Variants in RESP18 observed in about 807,000 individuals in gnomAD.
RESP18 encodes regulated endocrine-specific protein 18.
RESP18 carries 30 observed loss-of-function variants against 30.0 expected under a neutral mutation model. That is an observed-to-expected ratio of 1.00 (90% CI 0.75 to 1.36). RESP18 has a LOEUF of 1.36. Ranked by LOEUF, RESP18 falls within the 40% of genes most tolerant of loss-of-function variation. The pLI, the probability that RESP18 is intolerant of heterozygous loss-of-function variation, is 0.00. For synonymous variants in RESP18, 117 were observed against 111.2 expected, an observed-to-expected ratio of 1.05 and a Z score of -0.33; for missense variants, 320 against 284.2, an observed-to-expected ratio of 1.13 and a Z score of -0.91.
chr2:219,329,455 T>C, intron 4 of RESP18, 182 bp downstream of exon 3: 1 of 1,550,674 alleles, frequency 6.4e-7, no homozygotes, highest in Non-Finnish European at 8.7e-7. Context: ...CACACCCACC[T>C]CCCCTCCCTT....
Position 219,332,599 on chromosome 2 carries a change from C to A in RESP18, c.157G>T (p.Glu53Ter), listed in dbSNP as rs2385405. 6.4e-7 allele frequency: 1 copy of A among 1,551,020 alleles called. No individual in the cohort carries two copies. The highest frequency in any genetic ancestry group is 2.0e-5 in the Admixed American group (1 of 50,990). Residue 53 changes from glutamate (E) to a stop codon, truncating the protein, a stop_gained, in exon 2 of 7, where the codon GAG becomes TAG. Coordinates refer to ENST00000333527, the MANE Select transcript of RESP18 (RefSeq NM_001007089.4). LOFTEE classifies it high-confidence loss of function. ...AAGCAGACAAGCAGCTGGAGCCCCTCGGAGCTCCCAGGCCACAGTGGGTGC... is the reference window on the plus strand; with the variant it reads ...AAGCAGACAAGCAGCTGGAGCCCCTAGGAGCTCCCAGGCCACAGTGGGTGC...
intron 2 of RESP18, chr2:219,331,121 A>G (rs1446286220): frequency 4.8e-6 from 2 of 417,040 alleles, no homozygotes; most frequent in South Asian, 3.2e-5. Context: ...ATTTACAAAG[A>G]GCAGCCTGTA....
At chr2:219,327,917 T>C (rs926471665) in intron 6 of RESP18, among the ~76,000 whole-genome samples, 1 of 152,208 alleles carries the variant, frequency 6.6e-6, no homozygotes, top group Non-Finnish European at 1.5e-5. Context: ...AGCTGCCACA[T>C]TATGGAAGTA....
Position 219,332,675 on chromosome 2 carries a change from G to T in RESP18, c.81C>A (p.Thr27=), listed in dbSNP as rs1952844226. 1 of 1,551,070 alleles carries T rather than the reference G, an allele frequency of 6.4e-7. No individual in the cohort carries two copies. Among genetic ancestry groups the T allele is most frequent in the South Asian group, 1.2e-5 (1 of 84,062 alleles). Residue 27 remains threonine, a synonymous_variant, in exon 2 of 7, where the codon ACC becomes ACA. Coordinates refer to ENST00000333527, the MANE Select transcript of RESP18 (RefSeq NM_001007089.4). Reference sequence around the variant, plus strand: ...CACTCCCCGGCCAAGTCTCAGTGAAGGTAGCGGCCACGGCCGAGGGGCTGA... The same window carrying T: ...CACTCCCCGGCCAAGTCTCAGTGAATGTAGCGGCCACGGCCGAGGGGCTGA...
intron 1 of RESP18, among the ~76,000 whole-genome samples, chr2:219,333,008 G>C (rs2385400): frequency 0.43 from 65,290 of 151,686 alleles, 19,073 homozygotes; most frequent in African/African-American, 0.83. Context: ...GAAACAGTAG[G>C]CACTCAAGGA....
At chr2:219,329,047 A>T (rs1355700759) in intron 5 of RESP18, 39 bp from the exon 5 acceptor site, 4 of 1,510,532 alleles carry the variant, frequency 2.6e-6, no homozygotes, top group Middle Eastern at 1.7e-4. Context: ...TTTGATTAGG[A>T]ATGGAAAAAT....
chr2:219,332,677 T>C lies in RESP18; in HGVS notation c.79A>G (p.Thr27Ala). ...CTCCCCGGCCAAGTCTCAGTGAAGG[T>C]AGCGGCCACGGCCGAGGGGCTGAGC... Residue 27 changes from threonine to alanine, a missense_variant, in exon 2 of 7, where the codon ACC (threonine) becomes GCC (alanine). Coordinates refer to ENST00000333527, the MANE Select transcript of RESP18 (RefSeq NM_001007089.4). 3.9e-6 allele frequency: 6 copies of C among 1,551,064 alleles called. No homozygotes were observed. The highest frequency in any genetic ancestry group is 4.4e-6 in the Non-Finnish European group (5 of 1,146,894).
At chr2:219,328,029 C>T (rs1448216321) in intron 6 of RESP18, among the ~76,000 whole-genome samples, 2 of 152,176 alleles carry the variant, frequency 1.3e-5, no homozygotes, top group Non-Finnish European at 2.9e-5. Flanking sequence ...TGCTTCACTG[C>T]CACCACCCAA....
intron 1 of RESP18, 63 bp from the exon 1 acceptor site, chr2:219,332,807 T>G: frequency 8.1e-7 from 1 of 1,242,236 alleles, no homozygotes; most frequent in Non-Finnish European, 1.1e-6. Flanking sequence ...CCTCCCCAGC[T>G]CCTTCCCCTA....
chr2:219,327,963 A>G (rs560890010), intron 6 of RESP18, among the ~76,000 whole-genome samples: 1 of 152,216 alleles, frequency 6.6e-6, no homozygotes, highest in Admixed American at 6.5e-5. Flanking sequence ...AGGAGCTGGA[A>G]CCCCCTGTGG....
At chr2:219,330,964 T>C (rs1236373526) in intron 2 of RESP18, 89 bp from the exon 2 acceptor site, 1 of 767,732 alleles carries the variant, frequency 1.3e-6, no homozygotes. Flanking sequence ...GTACTGTCAC[T>C]CCTGGACCCC....
chr2:219,329,052 AAAAATCTT>A (rs1379263003), intron 5 of RESP18, 44 bp from the exon 5 acceptor site: 1 of 1,508,458 alleles, frequency 6.6e-7, no homozygotes, highest in African/African-American at 1.4e-5. Flanking sequence ...TTAGGAATGG[AAAAATCTT>A]TTCTGCAGCG....
In RESP18 at chr2:219,332,556, C is replaced by CA. The variant is rs1559316650; in HGVS notation, c.199dup (p.Cys67LeufsTer9). 3.9e-6 allele frequency: 6 copies of CA among 1,551,354 alleles called. No individual in the cohort carries two copies. The highest frequency in any genetic ancestry group is 3.5e-6 in the Non-Finnish European group (4 of 1,146,978). On this transcript the variant is annotated frameshift_variant, in exon 2 of 7. Transcript: ENST00000333527. LOFTEE classifies it high-confidence loss of function. ...ACTAGTGTCGCTGCAGCCCCCCGGG[C>CA]AGCTGTTCAGCAGCAGGAAGCAGAC... is the stretch of plus-strand genomic sequence containing the variant.
Position 219,329,696 on chromosome 2 carries a change from G to T in RESP18, c.406C>A (p.His136Asn). ...TCCTTCAGGCATGGTTCTTGGGGAT[G>T]CAGTCTGCTGGCATGCTCCATCTTT... Residue 136 changes from histidine (H) to asparagine (N), a missense_variant, in exon 4 of 7, where the codon CAT (histidine) becomes AAT (asparagine). Physicochemically the swap from His to Asn is moderately conservative, Grantham distance 68 (BLOSUM62 1). Transcript: ENST00000333527. The T allele has an allele frequency of 6.4e-7, 1 of 1,551,670 alleles. No individual in the cohort carries two copies. The highest frequency in any genetic ancestry group is 2.4e-5 in the East Asian group (1 of 40,930).
At chr2:219,331,125 G>T in intron 2 of RESP18, 1 of 402,118 alleles carries the variant, frequency 2.5e-6, no homozygotes, top group South Asian at 3.5e-5. Context: ...ACAAAGAGCA[G>T]CCTGTAGAAG....
At chr2:219,330,663 G>A in intron 3 of RESP18, 108 bp downstream of exon 2, 1 of 674,274 alleles carries the variant, frequency 1.5e-6, no homozygotes, top group Non-Finnish European at 2.5e-6. Flanking sequence ...AAAGTTTTAA[G>A]TAGAGACATT....
chr2:219,329,599 A>G, intron 4 of RESP18, 38 bp downstream of exon 3: 1 of 1,549,400 alleles, frequency 6.5e-7, no homozygotes. Flanking sequence ...TCTGTCTGCC[A>G]GAATGCTTGG....
chr2:219,327,460 C>G lies in RESP18; in HGVS notation c.*57G>C. On this transcript the variant is annotated 3_prime_UTR_variant, in exon 7 of 7. Transcript: ENST00000333527. ...AAATCTGGGTCATCCAAGAACTGCTCCTCTGAAGGGCAATGGGAAGGGTGC... is the reference window on the plus strand; with the variant it reads ...AAATCTGGGTCATCCAAGAACTGCTGCTCTGAAGGGCAATGGGAAGGGTGC... The G allele has an allele frequency of 1.4e-6, 2 of 1,461,352 alleles. No homozygotes were observed. The highest frequency in any genetic ancestry group is 1.2e-5 in the South Asian group (1 of 82,182). 90.5% of individuals were successfully genotyped at this position (1,461,352 alleles called of 1,614,324 possible).
At chr2:219,329,501 T>C in intron 4 of RESP18, 136 bp downstream of exon 3, 1 of 1,539,824 alleles carries the variant, frequency 6.5e-7, no homozygotes. Flanking sequence ...AATTCTTCTC[T>C]GCTGATTCCA....
Sources: gnomAD v4.1 joint callset for allele counts (sites outside exome capture counted in the v4.1 genomes callset) on GRCh38, gnomAD v4.1.1 for gene constraint, MANE v1.5 for transcripts, NCBI Gene and HGNC (gene_info 2026-07-23, HGNC 2026-07-21) for gene names.